STXBP5: variants seen among roughly 807,000 people sequenced by gnomAD.
The protein encoded by STXBP5 is syntaxin binding protein 5.
Under a neutral mutation model 152.4 loss-of-function variants are expected in STXBP5, and 50 were observed. The observed-to-expected ratio is 0.33, with a 90% CI of 0.26 to 0.42. STXBP5 has a LOEUF of 0.42. Among genes scored for constraint, STXBP5 ranks in the 10% least tolerant of loss-of-function variants. The probability of loss-of-function intolerance (pLI) is 1.00; values close to 1 mark genes in which losing one functional copy is unlikely to be tolerated. For synonymous variants in STXBP5, 492 were observed against 494.7 expected (o/e 0.99, Z 0.07); for missense variants, 1,167 against 1,388.6 (o/e 0.84, Z 2.54).
At chr6:147,261,923 C>T (rs554246653) in intron 5 of STXBP5, among the ~76,000 whole-genome samples, 3 of 151,374 alleles carry the variant, frequency 2.0e-5, no homozygotes, top group South Asian at 4.2e-4. Context: ...AATGGGATGC[C>T]TAAATTGGAG....
At chr6:147,310,561 TTGA>T in intron 10 of STXBP5, among the ~76,000 whole-genome samples, 1 of 151,542 alleles carries the variant, frequency 6.6e-6, no homozygotes, top group African/African-American at 2.4e-5. Context: ...GATTGATTGA[TTGA>T]TTTTAAGAAA....
At chr6:147,261,041 T>C (rs1349872968) in intron 5 of STXBP5, among the ~76,000 whole-genome samples, 1 of 152,022 alleles carries the variant, frequency 6.6e-6, no homozygotes, top group Non-Finnish European at 1.5e-5. Flanking sequence ...ATGAAAATCA[T>C]CTAATTTTTT....
chr6:147,341,090 T>A (rs1215660355), intron 21 of STXBP5, among the ~76,000 whole-genome samples: 1 of 152,152 alleles, frequency 6.6e-6, no homozygotes, highest in Non-Finnish European at 1.5e-5. Flanking sequence ...TTTTTTTAAA[T>A]CACAAGATTT....
chr6:147,286,436 T>G (rs952664438), intron 8 of STXBP5, among the ~76,000 whole-genome samples: 8 of 152,188 alleles, frequency 5.3e-5, no homozygotes, highest in African/African-American at 1.9e-4. Flanking sequence ...GAATGATGGT[T>G]CAATAAATTG....
intron 8 of STXBP5, among the ~76,000 whole-genome samples, chr6:147,283,656 C>T (rs9485158): frequency 0.017 from 2,533 of 152,240 alleles, 59 homozygotes; most frequent in African/African-American, 0.057. Flanking sequence ...AATGATCAAG[C>T]CAGTCTTGCT....
At chr6:147,332,696 G>A (rs1783635960) in intron 18 of STXBP5, among the ~76,000 whole-genome samples, 1 of 152,106 alleles carries the variant, frequency 6.6e-6, no homozygotes, top group South Asian at 2.1e-4. Context: ...AACCAAGTAG[G>A]GTTGGACTTT....
At chr6:147,224,395 C>A (rs982731744) in intron 2 of STXBP5, among the ~76,000 whole-genome samples, 4 of 152,132 alleles carry the variant, frequency 2.6e-5, no homozygotes, top group African/African-American at 7.2e-5. Flanking sequence ...CCACTGAACT[C>A]CAGCCTGGGA....
intron 9 of STXBP5, among the ~76,000 whole-genome samples, chr6:147,299,866 T>A (rs2128360633): frequency 6.6e-6 from 1 of 151,790 alleles, no homozygotes; most frequent in African/African-American, 2.4e-5. Flanking sequence ...AAGGAGAGAG[T>A]CAAATTATCC....
chr6:147,337,984 A>G lies in STXBP5; in HGVS notation c.2147-1195A>G, dbSNP rs1322342102. Among the ~76,000 whole-genome samples the G allele has an allele frequency of 7.2e-5, 11 of 152,266 alleles. No homozygotes were observed. In the East Asian group the frequency reaches 2.1e-3, roughly 29 times the overall value. On this transcript the variant is annotated intron_variant, in intron 19 of 27. Transcript: ENST00000321680. ...CACCACTTGACCAAGGGAGAGAAGTACAATTTTATTGGAGAGTGTTATATG... is the reference window on the plus strand; with the variant it reads ...CACCACTTGACCAAGGGAGAGAAGTGCAATTTTATTGGAGAGTGTTATATG...
At chr6:147,229,623 TATG>T (rs1219560946) in intron 2 of STXBP5, among the ~76,000 whole-genome samples, 5 of 152,106 alleles carry the variant, frequency 3.3e-5, no homozygotes, top group Middle Eastern at 3.4e-3. Flanking sequence ...TTCTATTCCT[TATG>T]ATGTTATTGT....
At chr6:147,267,718 T>C (rs1161134664) in intron 7 of STXBP5, among the ~76,000 whole-genome samples, 2 of 152,124 alleles carry the variant, frequency 1.3e-5, no homozygotes, top group Non-Finnish European at 2.9e-5. Context: ...AGATTTCCTA[T>C]AAATTGGATA....
intron 9 of STXBP5, chr6:147,292,133 A>G (rs1781306036): frequency 2.6e-6 from 1 of 384,058 alleles, no homozygotes; most frequent in Non-Finnish European, 5.1e-6. Flanking sequence ...TGGATATTAC[A>G]ACTGGCCCAC....
intron 25 of STXBP5, among the ~76,000 whole-genome samples, chr6:147,370,126 C>T (rs1221815042): frequency 6.6e-6 from 1 of 151,858 alleles, no homozygotes; most frequent in Non-Finnish European, 1.5e-5. Flanking sequence ...AATAATTATG[C>T]TTAATGAAAG....
intron 21 of STXBP5, among the ~76,000 whole-genome samples, chr6:147,345,775 C>G (rs1241804168): frequency 6.6e-6 from 1 of 152,154 alleles, no homozygotes; most frequent in African/African-American, 2.4e-5. Context: ...AGGGAAATTA[C>G]AAAACATCTG....
At chr6:147,370,350 C>T (rs149923581) in intron 25 of STXBP5, among the ~76,000 whole-genome samples, 40 of 151,974 alleles carry the variant, frequency 2.6e-4, no homozygotes, top group Non-Finnish European at 2.1e-4. Flanking sequence ...ATGCATATGG[C>T]GAAATTCACC....
intron 19 of STXBP5, among the ~76,000 whole-genome samples, chr6:147,335,492 C>A (rs1283209215): frequency 2.0e-5 from 3 of 152,162 alleles, no homozygotes; most frequent in Middle Eastern, 3.4e-3. Flanking sequence ...ATATTAAATA[C>A]CATGGGAGAT....
intron 9 of STXBP5, among the ~76,000 whole-genome samples, chr6:147,308,634 G>GA (rs1246381012): frequency 2.0e-5 from 3 of 151,944 alleles, no homozygotes; most frequent in African/African-American, 7.2e-5. Context: ...AATTGCTATG[G>GA]AAAAAATAAA....
At chr6:147,324,430 G>A (rs1200170587) in intron 16 of STXBP5, among the ~76,000 whole-genome samples, 1 of 151,320 alleles carries the variant, frequency 6.6e-6, no homozygotes, top group Non-Finnish European at 1.5e-5. Context: ...ACACCACCAC[G>A]CCAGGCTAAT....
At chr6:147,359,423 T>C in intron 23 of STXBP5, 100 bp downstream of exon 23, 1 of 1,441,434 alleles carries the variant, frequency 6.9e-7, no homozygotes, top group Non-Finnish European at 9.2e-7. Flanking sequence ...AATTCCAAAA[T>C]GTAAAGTAAA....
Sources: allele counts gnomAD v4.1 joint callset (sites outside exome capture counted in the v4.1 genomes callset), GRCh38; gene constraint gnomAD v4.1.1; transcripts MANE v1.5; gene names NCBI Gene and HGNC (gene_info 2026-07-23, HGNC 2026-07-21).